The following ANKRD30B variants were observed in gnomAD, a reference collection of about 807,000 sequenced individuals.
ANKRD30B encodes the protein ankyrin repeat domain-containing protein 30B.
Under a neutral mutation model 202.2 loss-of-function variants are expected in ANKRD30B, and 144 were observed. That is an observed-to-expected ratio of 0.71 (90% confidence interval 0.62 to 0.82). The LOEUF (loss-of-function observed/expected upper bound fraction) is 0.82. Ranked by LOEUF, ANKRD30B falls within the 40% of genes least tolerant of loss-of-function variation. The pLI is 0.00. For synonymous variants in ANKRD30B, 508 were observed against 561.3 expected (o/e 0.91, Z 1.34); for missense variants, 1,487 against 1,669.1 (o/e 0.89, Z 1.90).
In ANKRD30B at chr18:14,797,519, T is replaced by C. The variant is rs571105308; in HGVS notation, c.1928-142T>C. 15 of 933,374 alleles carry C rather than the reference T, an allele frequency of 1.6e-5. No homozygotes were observed. In the South Asian group the frequency reaches 2.0e-4, roughly 13 times the overall value. 57.8% of individuals were successfully genotyped at this position (933,374 alleles called of 1,614,324 possible). The stretch of plus-strand genomic sequence containing the variant: ...ACAGTTGGCATGTTAACAAATACAA[T>C]AACCCAAAGGACCCCAAAACCTAGT... On this transcript the variant is annotated intron_variant, in intron 18 of 43. Coordinates refer to ENST00000690538, the MANE Select transcript of ANKRD30B (RefSeq NM_001367607.2).
chr18:14,772,000 A>G (rs1459787449), intron 8 of ANKRD30B, among the ~76,000 whole-genome samples, 156 bp from the exon 9 acceptor site: 2 of 152,208 alleles, frequency 1.3e-5, no homozygotes, highest in African/African-American at 2.4e-5. Context: ...TTTTAATTCT[A>G]CCAAGAAACA....
chr18:14,753,155 C>T (rs1264348619), intron 3 of ANKRD30B, 143 bp downstream of exon 3: 6 of 638,158 alleles, frequency 9.4e-6, no homozygotes, highest in African/African-American at 9.2e-5. Flanking sequence ...AAGATTTAAC[C>T]TTAAATATTA....
chr18:14,753,453 A>G (rs1301156304), intron 3 of ANKRD30B, among the ~76,000 whole-genome samples: 1 of 152,166 alleles, frequency 6.6e-6, no homozygotes, highest in Non-Finnish European at 1.5e-5. Flanking sequence ...CTAGCTTTAC[A>G]CAAAGCATGT....
intron 34 of ANKRD30B, among the ~76,000 whole-genome samples, chr18:14,832,341 A>T (rs1970988759): frequency 6.6e-6 from 1 of 152,206 alleles, no homozygotes; most frequent in Non-Finnish European, 1.5e-5. Flanking sequence ...TGCAGGTTTC[A>T]CCCCAAGTAA....
chr18:14,784,953 G>A (rs1359842961), intron 14 of ANKRD30B, among the ~76,000 whole-genome samples: 3 of 152,012 alleles, frequency 2.0e-5, no homozygotes, highest in Non-Finnish European at 4.4e-5. Flanking sequence ...TTCCGGTGTT[G>A]TCACTTTGGG....
the ANKRD30B span, among the ~76,000 whole-genome samples, chr18:14,918,332 A>C: frequency 6.6e-6 from 1 of 152,214 alleles, no homozygotes; most frequent in Non-Finnish European, 1.5e-5. Flanking sequence ...TCAGCAATAC[A>C]TCTATTTAGA....
chr18:14,906,574 A>G, the ANKRD30B span, among the ~76,000 whole-genome samples: 2 of 152,244 alleles, frequency 1.3e-5, no homozygotes, highest in Non-Finnish European at 2.9e-5. Flanking sequence ...TCTTTTGTGC[A>G]TATAAAGAAA....
chr18:14,807,964 T>A (rs540784124), intron 24 of ANKRD30B, among the ~76,000 whole-genome samples: 1 of 151,196 alleles, frequency 6.6e-6, no homozygotes, highest in African/African-American at 2.4e-5. Context: ...AATAAATATA[T>A]TCATAACTTT....
the ANKRD30B span, among the ~76,000 whole-genome samples, chr18:14,898,748 T>A: frequency 1.3e-5 from 2 of 152,214 alleles, no homozygotes; most frequent in African/African-American, 4.8e-5. Context: ...TCATTACATT[T>A]ACAAGTAGCT....
the ANKRD30B span, among the ~76,000 whole-genome samples, chr18:14,876,461 T>C: frequency 6.6e-6 from 1 of 151,978 alleles, no homozygotes; most frequent in Non-Finnish European, 1.5e-5. Flanking sequence ...TGCCAACATT[T>C]AGCCACAAGT....
the ANKRD30B span, among the ~76,000 whole-genome samples, chr18:14,881,859 C>T: frequency 3.9e-5 from 6 of 151,922 alleles, no homozygotes; most frequent in South Asian, 1.2e-3. Context: ...GCAGTTTATC[C>T]AACTCTTCTA....
the ANKRD30B span, among the ~76,000 whole-genome samples, chr18:14,899,945 G>T: frequency 1.3e-5 from 2 of 152,124 alleles, no homozygotes; most frequent in African/African-American, 4.8e-5. Flanking sequence ...ACGAACGGAT[G>T]AGTTAACTAA....
At chr18:14,770,975 G>A (rs1490012243) in intron 8 of ANKRD30B, among the ~76,000 whole-genome samples, 4 of 152,156 alleles carry the variant, frequency 2.6e-5, no homozygotes, top group Admixed American at 2.6e-4. Flanking sequence ...CAAGGCAGAT[G>A]TCCCCTCCCC....
chr18:14,887,246 G>A, the ANKRD30B span, among the ~76,000 whole-genome samples: 1 of 151,906 alleles, frequency 6.6e-6, no homozygotes, highest in Non-Finnish European at 1.5e-5. Flanking sequence ...ATGACATTCA[G>A]GGCCCCTTAT....
At chr18:14,915,915 G>A in the ANKRD30B span, among the ~76,000 whole-genome samples, 14 of 152,256 alleles carry the variant, frequency 9.2e-5, 2 homozygotes, top group Admixed American at 3.9e-4. Context: ...TATTTACATA[G>A]CATTTGTGTT....
the ANKRD30B span, among the ~76,000 whole-genome samples, chr18:14,863,050 G>A: frequency 6.6e-6 from 1 of 152,188 alleles, no homozygotes; most frequent in African/African-American, 2.4e-5. Flanking sequence ...ACAGATGGAG[G>A]AACGTACCTT....
At chr18:14,829,784 C>T (rs1169314364) in intron 33 of ANKRD30B, among the ~76,000 whole-genome samples, 3 of 152,162 alleles carry the variant, frequency 2.0e-5, no homozygotes, top group East Asian at 1.9e-4. Context: ...AGAAAAGTCT[C>T]CACAATCAGA....
At chr18:14,770,638 T>C (rs1260428576) in intron 8 of ANKRD30B, among the ~76,000 whole-genome samples, 1 of 152,114 alleles carries the variant, frequency 6.6e-6, no homozygotes, top group African/African-American at 2.4e-5. Context: ...GAGATCAGAA[T>C]GTTGGATTTT....
Position 14,851,677 on chromosome 18 carries a change from C to T in ANKRD30B, c.3733C>T (p.Leu1245Phe). 2 of 1,610,506 alleles carry T rather than the reference C, an allele frequency of 1.2e-6. No homozygotes were observed. The highest frequency in any genetic ancestry group is 1.7e-6 in the Non-Finnish European group (2 of 1,178,664). The change falls in exon 42 of 44, where the codon CTT (leucine) becomes TTT (phenylalanine). Residue 1245 changes from leucine to phenylalanine, a missense_variant. By Grantham distance (22) the Leu-to-Phe change is conservative. Around this residue, in one of 6 missense-constraint regions of ANKRD30B, gnomAD observed 177 missense variants for 216.4 expected, o/e 0.82. Coordinates refer to ENST00000690538, the MANE Select transcript of ANKRD30B (RefSeq NM_001367607.2). ...IKILQEKNAE[L>F]QMTLKLKQKT... ...GATTTTACAAGAAAAGAATGCTGAA[C>T]TTCAAATGACCCTAAAACTGAAACA...
Sources: allele counts gnomAD v4.1 joint callset (sites outside exome capture counted in the v4.1 genomes callset), GRCh38; gene constraint gnomAD v4.1.1; regional missense constraint gnomAD v4.1.1; transcripts MANE v1.5; gene names NCBI Gene and HGNC (gene_info 2026-07-23, HGNC 2026-07-21).